Variants in SLC22A24 observed in about 807,000 individuals in gnomAD.
SLC22A24 encodes steroid transmembrane transporter SLC22A24.
SLC22A24 carries 53 observed loss-of-function variants against 49.8 expected under a neutral mutation model. That is an observed-to-expected ratio of 1.06 (90% CI 0.85 to 1.34). The LOEUF (loss-of-function observed/expected upper bound fraction) is 1.34, where lower values mean the gene tolerates loss of function less well. Among genes scored for constraint, SLC22A24 ranks in the 40% most tolerant of loss-of-function variants. The pLI is 0.00. For missense variants in SLC22A24, 786 were observed against 675.9 expected (o/e 1.16, Z -1.81); for synonymous variants, 302 against 256.4 (o/e 1.18, Z -1.70).
intron 2 of SLC22A24, among the ~76,000 whole-genome samples, chr11:63,132,172 C>T (rs1229619045): frequency 6.6e-6 from 1 of 152,138 alleles, no homozygotes; most frequent in Non-Finnish European, 1.5e-5. Flanking sequence ...TTTTATTTAG[C>T]CATTCGTCTA....
chr11:63,112,594 T>C (rs2087174072), intron 4 of SLC22A24, among the ~76,000 whole-genome samples: 1 of 152,130 alleles, frequency 6.6e-6, no homozygotes, highest in South Asian at 2.1e-4. Context: ...TTTTGAAGGA[T>C]TTTTGTGTCT....
rs1006708659 is a variant in SLC22A24 at position 63,143,732 on chromosome 11, G to T, written c.48C>A (p.Phe16Leu). ...AAAAGAAAGCTATCAGACAAATCTGGAATCTCCCCATGCCACCCACTTGAT... is the reference window on the plus strand; with the variant it reads ...AAAAGAAAGCTATCAGACAAATCTGTAATCTCCCCATGCCACCCACTTGAT... ...LLDQVGGMGR[F>L]QICLIAFFCI... Residue 16 changes from phenylalanine (F) to leucine (L), a missense_variant, in exon 1 of 10, where the codon TTC (phenylalanine) becomes TTA (leucine). Transcript: ENST00000612278. 2.7e-6 allele frequency: 4 copies of T among 1,501,066 alleles called. No homozygotes were observed. Among genetic ancestry groups the T allele is most frequent in the Non-Finnish European group, 2.7e-6 (3 of 1,124,436 alleles). The allele number at this position is 1,501,066 out of a possible 1,614,324, so 93.0% of individuals were successfully genotyped here.
Position 63,080,900 on chromosome 11 carries a change from C to T in SLC22A24, c.1598+20G>A. 6.5e-7 allele frequency: 1 copy of T among 1,546,094 alleles called. No homozygotes were observed. Among genetic ancestry groups the T allele is most frequent in the Non-Finnish European group, 8.7e-7 (1 of 1,143,170 alleles). ...ACATAGCCACTCCCCACTCAAGTGA[C>T]AGCTAGAGGGTTTACTCACTCATTT... is the stretch of plus-strand genomic sequence containing the variant. On this transcript the variant is annotated intron_variant, in intron 9 of 9. Coordinates refer to ENST00000612278, the MANE Select transcript of SLC22A24 (RefSeq NM_001136506.2).
At chr11:63,143,335 C>G in intron 1 of SLC22A24, 43 bp downstream of exon 1, 1 of 1,403,242 alleles carries the variant, frequency 7.1e-7, no homozygotes, top group Non-Finnish European at 9.3e-7. Flanking sequence ...TAACTCCAAA[C>G]ACTTTAATCA....
At chr11:63,111,192 A>AT (rs2087161224) in intron 4 of SLC22A24, among the ~76,000 whole-genome samples, 1 of 151,896 alleles carries the variant, frequency 6.6e-6, no homozygotes, top group Non-Finnish European at 1.5e-5. Context: ...CATCCCAGGG[A>AT]TGAAGCCCAC....
At chr11:63,108,505 T>A (rs1461446909) in intron 4 of SLC22A24, among the ~76,000 whole-genome samples, 1 of 152,180 alleles carries the variant, frequency 6.6e-6, no homozygotes, top group East Asian at 1.9e-4. Context: ...TCGGAAGGAA[T>A]GGTATCAGCT....
At chr11:63,138,288 G>C (rs2087389524) in intron 1 of SLC22A24, among the ~76,000 whole-genome samples, 1 of 152,020 alleles carries the variant, frequency 6.6e-6, no homozygotes, top group South Asian at 2.1e-4. Flanking sequence ...AGAAATTTTG[G>C]GGTTCATGTC....
chr11:63,092,264 A>C (rs557757562), intron 6 of SLC22A24, among the ~76,000 whole-genome samples: 91 of 151,728 alleles, frequency 6.0e-4, no homozygotes, highest in African/African-American at 2.1e-3. Flanking sequence ...ACACAAACAA[A>C]TGGAAAAAAA....
chr11:63,087,960 G>A (rs967567505), intron 6 of SLC22A24, among the ~76,000 whole-genome samples: 1 of 152,158 alleles, frequency 6.6e-6, no homozygotes, highest in Non-Finnish European at 1.5e-5. Flanking sequence ...ACACCTGGGG[G>A]AAGGAGTGGC....
chr11:63,105,533 C>A (rs544739869), intron 4 of SLC22A24, among the ~76,000 whole-genome samples: 1 of 152,310 alleles, frequency 6.6e-6, no homozygotes, highest in East Asian at 1.9e-4. Flanking sequence ...CACGTGGAAG[C>A]TGCCAAGGCT....
chr11:63,142,093 G>A lies in SLC22A24; in HGVS notation c.402+1285C>T, dbSNP rs142222524. Among the ~76,000 whole-genome samples the A allele has an allele frequency of 4.3e-3, 648 of 152,210 alleles. 1 individual carries two copies. Among genetic ancestry groups the A allele is most frequent in the African/African-American group, 0.015 (615 of 41,532 alleles). On this transcript the variant is annotated intron_variant, in intron 1 of 9. Coordinates refer to ENST00000612278, the MANE Select transcript of SLC22A24 (RefSeq NM_001136506.2). ...GGACTCATTATTTACCTTATAGCAT[G>A]CTCTTCATTTAAATACTGTACTAAA... is the stretch of plus-strand genomic sequence containing the variant.
intron 2 of SLC22A24, among the ~76,000 whole-genome samples, chr11:63,130,628 G>A (rs6591762): frequency 0.8 from 120,958 of 152,062 alleles, 49,196 homozygotes; most frequent in East Asian, 0.9. Flanking sequence ...TTGGTGGGCT[G>A]TTAATTATTG....
At chr11:63,080,404 T>C (rs1053320848) in intron 9 of SLC22A24, among the ~76,000 whole-genome samples, 1 of 152,152 alleles carries the variant, frequency 6.6e-6, no homozygotes, top group Non-Finnish European at 1.5e-5. Context: ...CCCAACAAGA[T>C]CCATTTCCTT....
At chr11:63,112,532 T>C (rs1176602765) in intron 4 of SLC22A24, among the ~76,000 whole-genome samples, 4 of 152,166 alleles carry the variant, frequency 2.6e-5, no homozygotes, top group African/African-American at 9.7e-5. Context: ...TTGCTAGCAG[T>C]CTATGAATTT....
intron 6 of SLC22A24, among the ~76,000 whole-genome samples, chr11:63,084,892 A>G (rs574172239): frequency 1.3e-5 from 2 of 152,060 alleles, no homozygotes; most frequent in Non-Finnish European, 2.9e-5. Context: ...TGGCTGAAAT[A>G]TATGTATTAC....
chr11:63,132,697 C>A (rs1243074941), intron 2 of SLC22A24, among the ~76,000 whole-genome samples: 2 of 152,150 alleles, frequency 1.3e-5, no homozygotes, highest in Admixed American at 6.5e-5. Flanking sequence ...GGAGCACCCA[C>A]CTGTATGAGG....
chr11:63,084,666 C>T (rs776766469), intron 6 of SLC22A24, among the ~76,000 whole-genome samples: 4 of 152,104 alleles, frequency 2.6e-5, no homozygotes, highest in African/African-American at 7.2e-5. Flanking sequence ...TACCAATGCC[C>T]GACCTTTGCT....
At chr11:63,124,098 G>T (rs897227816) in intron 2 of SLC22A24, among the ~76,000 whole-genome samples, 2 of 152,062 alleles carry the variant, frequency 1.3e-5, no homozygotes, top group African/African-American at 4.8e-5. Context: ...AGAATATTAT[G>T]GCCAGAGGGA....
intron 6 of SLC22A24, 86 bp downstream of exon 6, chr11:63,095,905 C>T: frequency 2.0e-6 from 2 of 1,002,464 alleles, no homozygotes; most frequent in Non-Finnish European, 3.0e-6. Context: ...TAAATGTCCT[C>T]CAAATGCTGC....
Sources: allele counts gnomAD v4.1 joint callset (sites outside exome capture counted in the v4.1 genomes callset), GRCh38; gene constraint gnomAD v4.1.1; transcripts MANE v1.5; gene names NCBI Gene and HGNC (gene_info 2026-07-23, HGNC 2026-07-21).